The following IL5 variants were observed in gnomAD, a reference collection of about 807,000 sequenced individuals.
IL5 encodes interleukin-5.
IL5 carries 12 observed loss-of-function variants against 16.3 expected under a neutral mutation model. That is an observed-to-expected ratio of 0.74 (90% confidence interval 0.47 to 1.20). The LOEUF is 1.20. Among genes scored for constraint, IL5 ranks in the 50% most tolerant of loss-of-function variants. The pLI, the probability that IL5 is intolerant of heterozygous loss-of-function variation, is 0.00. For synonymous variants in IL5, 54 were observed against 56.6 expected (o/e 0.95, Z 0.21); for missense variants, 159 against 153.9 (o/e 1.03, Z -0.17).
chr5:132,551,927 T>C (rs1300381553), intron 1 of IL5, among the ~76,000 whole-genome samples: 4 of 152,164 alleles, frequency 2.6e-5, no homozygotes, highest in Non-Finnish European at 5.9e-5. Context: ...AGAAAGCTCA[T>C]GTACCAATAT....
chr5:132,553,304 C>T (rs895640594), intron 1 of IL5, among the ~76,000 whole-genome samples: 4 of 152,072 alleles, frequency 2.6e-5, no homozygotes, highest in Non-Finnish European at 5.9e-5. Flanking sequence ...TTCCTGTGAA[C>T]TGAAAGTTAC....
chr5:132,541,924 A>G lies in IL5; in HGVS notation c.307-15T>C. On this transcript the variant is annotated splice_polypyrimidine_tract_variant and intron_variant, in intron 3 of 3. Transcript: ENST00000231454. ...CCACACTTTTTCTGTGAAAAAAGAA[A>G]AATGACAATAGGTATTACAGGAAAC... The G allele has an allele frequency of 6.2e-7, 1 of 1,612,496 alleles. No homozygotes were observed. Among genetic ancestry groups the G allele is most frequent in the Non-Finnish European group, 8.5e-7 (1 of 1,178,696 alleles).
At chr5:132,549,188 T>A (rs1317829542) in intron 1 of IL5, among the ~76,000 whole-genome samples, 3 of 152,186 alleles carry the variant, frequency 2.0e-5, no homozygotes, top group Non-Finnish European at 4.4e-5. Flanking sequence ...CCTGAGTAGC[T>A]GGGATTACAG....
chr5:132,541,742 C>G lies in IL5; in HGVS notation c.*69G>C. On this transcript the variant is annotated 3_prime_UTR_variant, in exon 4 of 4. Transcript: ENST00000231454. ...AAATTAAGGCCTGACTCTTTCTTGG[C>G]CCTCATTCTCACTGCAGTAAAATGT... 1 of 922,438 alleles carries G rather than the reference C, an allele frequency of 1.1e-6. No individual in the cohort carries two copies. Among genetic ancestry groups the G allele is most frequent in the Non-Finnish European group, 1.7e-6 (1 of 578,592 alleles). The allele number at this position is 922,438 out of a possible 1,614,324, so 57.1% of individuals were successfully genotyped here.
upstream of IL5, among the ~76,000 whole-genome samples, chr5:132,545,710 G>GT (rs1203623885): frequency 1.3e-5 from 2 of 152,118 alleles, no homozygotes; most frequent in African/African-American, 2.4e-5. Context: ...TGGTTGCCAG[G>GT]TGACACACCT....
At chr5:132,555,555 GC>G (rs1262744813) in intron 1 of IL5, among the ~76,000 whole-genome samples, 2 of 152,276 alleles carry the variant, frequency 1.3e-5, no homozygotes, top group African/African-American at 2.4e-5. Context: ...TCGCTCTGTT[GC>G]CCAGGCTGGA....
exon 1 of IL5, chr5:132,556,767 G>T (rs1749994171): frequency 2.5e-6 from 3 of 1,198,816 alleles, no homozygotes; most frequent in African/African-American, 3.3e-5. Flanking sequence ...CACAGGTCTT[G>T]GTCTCCCCTT....
chr5:132,556,538 A>G (rs536468254), intron 1 of IL5: 8 of 292,074 alleles, frequency 2.7e-5, no homozygotes, highest in African/African-American at 1.8e-4. Context: ...TCTAAGCGCA[A>G]GAATACACAT....
intron 1 of IL5, among the ~76,000 whole-genome samples, chr5:132,550,438 C>G (rs1049929283): frequency 6.6e-6 from 1 of 152,000 alleles, no homozygotes; most frequent in Non-Finnish European, 1.5e-5. Context: ...ATTCTCCTGC[C>G]TCAGCCTCCA....
Position 132,553,330 on chromosome 5 carries a change from T to G in IL5, c.42+3344A>C, listed in dbSNP as rs528879414. Reference sequence around the variant, plus strand: ...TGAAAGTTACATCTAAAGGTATGATTAGATTCAAGTTCAACTTTTTTCCGT... The same window carrying G: ...TGAAAGTTACATCTAAAGGTATGATGAGATTCAAGTTCAACTTTTTTCCGT... On this transcript the variant is annotated intron_variant, in intron 1 of 2. Coordinates refer to the IL5 transcript ENST00000450655. Among the ~76,000 whole-genome samples, 13 of 152,280 alleles carry G rather than the reference T, an allele frequency of 8.5e-5. No individual in the cohort carries two copies. In the East Asian group the frequency reaches 2.5e-3, roughly 29 times the overall value.
At chr5:132,547,769 G>A (rs896137410), upstream of IL5, among the ~76,000 whole-genome samples, 1 of 152,120 alleles carries the variant, frequency 6.6e-6, no homozygotes, top group Non-Finnish European at 1.5e-5. Context: ...AATAAAAAGT[G>A]TATTAAAAAT....
rs755320918 is a variant in IL5, at chr5:132,541,810, C to G, written c.*1G>C. 1.6e-5 allele frequency: 26 copies of G among 1,604,966 alleles called. No homozygotes were observed. The East Asian group carries it at 5.6e-4, about 34-fold the overall frequency. On this transcript the variant is annotated 3_prime_UTR_variant, in exon 4 of 4. Transcript: ENST00000231454. ...TTTGGCTGCAACAAACCAGTTTAGT[C>G]TCAACTTTCTATTATCCACTCGGTG...
At chr5:132,554,139 G>T (rs1052864220) in intron 1 of IL5, among the ~76,000 whole-genome samples, 1 of 151,670 alleles carries the variant, frequency 6.6e-6, no homozygotes, top group African/African-American at 2.4e-5. Context: ...AGGCCGAGGC[G>T]GGTGGATCAC....
upstream of IL5, among the ~76,000 whole-genome samples, chr5:132,545,789 G>T (rs187265004): frequency 1.3e-5 from 2 of 152,226 alleles, no homozygotes; most frequent in African/African-American, 4.8e-5. Flanking sequence ...GCGTGGTGGT[G>T]TGTGCCTGTA....
chr5:132,543,235 A>C, intron 1 of IL5, 100 bp downstream of exon 1: 1 of 1,415,184 alleles, frequency 7.1e-7, no homozygotes, highest in Non-Finnish European at 9.9e-7. Flanking sequence ...ATGTGCTCAG[A>C]ATCTTATTAT....
At chr5:132,553,345 CT>C (rs1561624700) in intron 1 of IL5, among the ~76,000 whole-genome samples, 1 of 152,060 alleles carries the variant, frequency 6.6e-6, no homozygotes, top group Admixed American at 6.6e-5. Context: ...TCAAGTTCAA[CT>C]TTTTTCCGTT....
upstream of IL5, among the ~76,000 whole-genome samples, chr5:132,546,035 G>C (rs1357046191): frequency 6.6e-6 from 1 of 152,120 alleles, no homozygotes; most frequent in Non-Finnish European, 1.5e-5. Context: ...GTTGGCAACT[G>C]TATAATGTAC....
chr5:132,546,580 G>T (rs1749791397), upstream of IL5, among the ~76,000 whole-genome samples: 1 of 152,092 alleles, frequency 6.6e-6, no homozygotes, highest in African/African-American at 2.4e-5. Context: ...TCCATCCTTT[G>T]GCTATTGTGA....
upstream of IL5, among the ~76,000 whole-genome samples, chr5:132,547,025 C>G (rs1561622429): frequency 6.6e-6 from 1 of 151,266 alleles, no homozygotes; most frequent in African/African-American, 2.4e-5. Context: ...GACTCCATCT[C>G]AAAAAAAAGA....
Sources: gnomAD v4.1 joint callset for allele counts (sites outside exome capture counted in the v4.1 genomes callset) on GRCh38, gnomAD v4.1.1 for gene constraint, MANE v1.5 for transcripts, NCBI Gene and HGNC (gene_info 2026-07-23, HGNC 2026-07-21) for gene names.